The following PDE10A variants were observed in gnomAD, a reference collection of about 807,000 sequenced individuals.
The protein encoded by PDE10A is cAMP and cAMP-inhibited cGMP 3',5'-cyclic phosphodiesterase 10A.
A neutral mutation model predicts 97.7 loss-of-function variants in PDE10A; 39 were observed. The ratio of observed to expected loss-of-function variants is 0.40; its 90% CI spans 0.31 to 0.52. The LOEUF (loss-of-function observed/expected upper bound fraction) is 0.52, where lower values mean the gene tolerates loss of function less well. Among genes scored for constraint, PDE10A ranks in the 20% least tolerant of loss-of-function variants. The probability of loss-of-function intolerance (pLI) is 0.56; values close to 1 mark genes in which losing one functional copy is unlikely to be tolerated. For missense variants in PDE10A, 731 were observed against 1,047.8 expected, an observed-to-expected ratio of 0.70 and a Z score of 4.17; for synonymous variants, 371 against 376.8, an observed-to-expected ratio of 0.98 and a Z score of 0.18.
rs749398918 is a variant in PDE10A, at chr6:165,502,164, G to A, written c.995-19821C>T. Among the ~76,000 whole-genome samples the A allele has an allele frequency of 9.2e-5, 14 of 152,266 alleles. No homozygotes were observed. In the Middle Eastern group the frequency reaches 0.02, roughly 222 times the overall value. ...AGATGCACATATAAGGGTGAAAACT[G>A]TAAAATGTGTATAAGAAAACAGGAG... On this transcript the variant is annotated intron_variant, in intron 2 of 21. Transcript: ENST00000539869.
At chr6:165,338,875 G>T (rs928059878) in intron 20 of PDE10A, among the ~76,000 whole-genome samples, 1 of 152,182 alleles carries the variant, frequency 6.6e-6, no homozygotes, top group Non-Finnish European at 1.5e-5. Context: ...AGTGGTTCTA[G>T]CTTCTGTCCT....
At chr6:165,373,112 A>G (rs1784378721) in intron 18 of PDE10A, among the ~76,000 whole-genome samples, 1 of 151,224 alleles carries the variant, frequency 6.6e-6, no homozygotes, top group Non-Finnish European at 1.5e-5. Context: ...GTTAGACCTA[A>G]AACCATAAAA....
At chr6:165,756,577 G>A (rs1583043387) in intron 1 of PDE10A, among the ~76,000 whole-genome samples, 4 of 151,878 alleles carry the variant, frequency 2.6e-5, no homozygotes, top group Admixed American at 2.6e-4. Context: ...TCCATTTATA[G>A]ACTTCATTCT....
At position 165,621,462 on chromosome 6, in the gene PDE10A, A is replaced by T. The variant is rs970906650; in HGVS notation, c.865+40485T>A. Among the ~76,000 whole-genome samples, 7 of 152,304 alleles carry T rather than the reference A, an allele frequency of 4.6e-5. No individual in the cohort carries two copies. In the East Asian group the frequency reaches 1.4e-3, roughly 29 times the overall value. ...TGCATACGATTGAAACTGTCAGTAA[A>T]GAAACACAGGATTGGCCAGGCACAG... On this transcript the variant is annotated intron_variant, in intron 1 of 21. Transcript: ENST00000539869.
chr6:165,929,747 T>G (rs1267905685), intron 1 of PDE10A, among the ~76,000 whole-genome samples: 1 of 152,240 alleles, frequency 6.6e-6, no homozygotes, highest in Non-Finnish European at 1.5e-5. Context: ...TGACCCAGCC[T>G]GTGGCATGGG....
chr6:165,619,371 G>GTACTGTAGTGTA (rs1562634555), intron 1 of PDE10A, among the ~76,000 whole-genome samples: 6 of 7,650 alleles, frequency 7.8e-4, no homozygotes, highest in Admixed American at 1.4e-3. Flanking sequence ...AGTGTAGTGT[G>GTACTGTAGTGTA]GTGTAGTGTA....
At chr6:165,747,284 G>T (rs1160802556) in intron 1 of PDE10A, among the ~76,000 whole-genome samples, 1 of 152,052 alleles carries the variant, frequency 6.6e-6, no homozygotes, top group East Asian at 1.9e-4. Flanking sequence ...TTTTTAAGTG[G>T]TAGAGATACA....
At chr6:165,794,241 G>A (rs1778755188) in intron 1 of PDE10A, among the ~76,000 whole-genome samples, 1 of 135,138 alleles carries the variant, frequency 7.4e-6, no homozygotes, top group South Asian at 2.5e-4. Context: ...CCTCCCACAC[G>A]CACACCTGCT....
chr6:165,919,475 C>G (rs1049013474), intron 1 of PDE10A, among the ~76,000 whole-genome samples: 1 of 152,256 alleles, frequency 6.6e-6, no homozygotes, highest in African/African-American at 2.4e-5. Flanking sequence ...TTTCCACTTT[C>G]TAGCCTGGAG....
At chr6:165,962,082 T>G (rs1426499637) in intron 1 of PDE10A, among the ~76,000 whole-genome samples, 2 of 152,196 alleles carry the variant, frequency 1.3e-5, no homozygotes, top group African/African-American at 2.4e-5. Flanking sequence ...AGACAGTAAA[T>G]TGCCCAAGGT....
rs553421406 is a variant in PDE10A, at chr6:165,946,125, C to T, written c.-615+41404G>A. ...TACAGCTTTTCCCTTACATTGGTCA[C>T]GGGTTAGGAAGGTTCAATGAGACAG... On this transcript the variant is annotated intron_variant, in intron 1 of 19. Transcript: ENST00000366882. 9.9e-5 allele frequency among the ~76,000 whole-genome samples: 15 copies of T among 152,160 alleles called. 1 individual carries two copies. Among genetic ancestry groups the T allele is most frequent in the African/African-American group, 3.4e-4 (14 of 41,506 alleles).
At position 165,621,226 on chromosome 6, in the gene PDE10A, T is replaced by C. The variant is rs142520612; in HGVS notation, c.865+40721A>G. Among the ~76,000 whole-genome samples, 1,452 of 148,648 alleles carry C rather than the reference T, an allele frequency of 9.8e-3. 23 individuals are homozygous for C. Among genetic ancestry groups the C allele is most frequent in the African/African-American group, 0.036 (1,377 of 38,698 alleles). ...AAGTTCAGTATATTTTAAAGATACA[T>C]TGAAAACATTTATAGAACTAAAAAA... On this transcript the variant is annotated intron_variant, in intron 1 of 21. Transcript: ENST00000539869.
At chr6:165,552,286 G>C (rs775694304) in intron 1 of PDE10A, among the ~76,000 whole-genome samples, 3 of 152,156 alleles carry the variant, frequency 2.0e-5, no homozygotes, top group Non-Finnish European at 4.4e-5. Flanking sequence ...GGCAGAAAAG[G>C]GGTTAACACA....
intron 1 of PDE10A, among the ~76,000 whole-genome samples, chr6:165,601,637 T>A (rs1489262216): frequency 6.6e-6 from 1 of 152,228 alleles, no homozygotes; most frequent in Non-Finnish European, 1.5e-5. Context: ...GAAGTTTTCG[T>A]GTTAAGAACT....
At chr6:165,487,817 T>A (rs1009899136) in intron 2 of PDE10A, among the ~76,000 whole-genome samples, 3 of 152,128 alleles carry the variant, frequency 2.0e-5, no homozygotes, top group Admixed American at 6.5e-5. Context: ...TCCTTGCAGA[T>A]CTTACAGGAA....
At chr6:165,755,545 CAAAT>C (rs1229397658) in intron 1 of PDE10A, among the ~76,000 whole-genome samples, 3 of 152,122 alleles carry the variant, frequency 2.0e-5, no homozygotes, top group African/African-American at 7.2e-5. Context: ...TCTTTATTAT[CAAAT>C]AAGCGTCAAA....
chr6:165,641,586 G>T (rs1789137359), intron 1 of PDE10A, among the ~76,000 whole-genome samples: 2 of 152,216 alleles, frequency 1.3e-5, no homozygotes, highest in African/African-American at 4.8e-5. Flanking sequence ...CCCACAGTCA[G>T]AGCGGGCACT....
Position 165,804,439 on chromosome 6 carries a change from G to T in PDE10A, c.-615+183090C>A, listed in dbSNP as rs184097478. Among the ~76,000 whole-genome samples, 62 of 152,266 alleles carry T rather than the reference G, an allele frequency of 4.1e-4. 1 individual carries two copies. The highest frequency in any genetic ancestry group is 3.7e-3 in the Admixed American group (57 of 15,292). On this transcript the variant is annotated intron_variant, in intron 1 of 19. Transcript: ENST00000366882. Reference sequence around the variant, plus strand: ...TTTGTTTTGTTTTTGGCCCTATGCTGGCTGAGAAAACAAGAATGTTCACGT... The same window carrying T: ...TTTGTTTTGTTTTTGGCCCTATGCTTGCTGAGAAAACAAGAATGTTCACGT...
chr6:165,848,045 T>C (rs1429294684), intron 1 of PDE10A, among the ~76,000 whole-genome samples: 5 of 152,172 alleles, frequency 3.3e-5, no homozygotes, highest in African/African-American at 4.8e-5. Context: ...TATTGCCACA[T>C]TGAGTTTTGC....
Sources: allele counts gnomAD v4.1 joint callset (sites outside exome capture counted in the v4.1 genomes callset), GRCh38; gene constraint gnomAD v4.1.1; transcripts MANE v1.5; gene names NCBI Gene and HGNC (gene_info 2026-07-23, HGNC 2026-07-21).